Variants in PVT1 observed in about 807,000 individuals in gnomAD.
The protein encoded by PVT1 is CXCR4/PVT1 fusion.
At chr8:127,835,894 C>T (rs1488304884) in intron 2 of PVT1, among the ~76,000 whole-genome samples, 1 of 152,148 alleles carries the variant, frequency 6.6e-6, no homozygotes, top group African/African-American at 2.4e-5. Context: ...TGTCTTCCAG[C>T]CTCATCAAGT....
chr8:127,906,915 G>A (rs1295572630), intron 3 of PVT1, among the ~76,000 whole-genome samples: 1 of 151,816 alleles, frequency 6.6e-6, no homozygotes, highest in African/African-American at 2.4e-5. Context: ...AGCCATTAAG[G>A]ACTCAGCTGG....
intron 3 of PVT1, among the ~76,000 whole-genome samples, chr8:127,977,633 G>T (rs1816836142): frequency 6.6e-6 from 1 of 152,154 alleles, no homozygotes; most frequent in Non-Finnish European, 1.5e-5. Flanking sequence ...TACTCGGGAG[G>T]CTGAGGCTGG....
intron 2 of PVT1, among the ~76,000 whole-genome samples, chr8:127,845,259 AGCTAATG>A (rs1323604568): frequency 6.6e-6 from 1 of 152,072 alleles, no homozygotes. Context: ...GTTTCCTTGG[AGCTAATG>A]GTCAGAGTGA....
intron 6 of PVT1, among the ~76,000 whole-genome samples, chr8:128,098,152 G>A (rs768673156): frequency 2.6e-5 from 4 of 152,034 alleles, no homozygotes; most frequent in Non-Finnish European, 5.9e-5. Context: ...CTTGGGGCTG[G>A]AATTGTAGTG....
At chr8:127,897,217 C>T (rs536346025) in intron 3 of PVT1, among the ~76,000 whole-genome samples, 5 of 152,300 alleles carry the variant, frequency 3.3e-5, no homozygotes, top group African/African-American at 4.8e-5. Flanking sequence ...AGAACTCTCA[C>T]GCTGTGGTGC....
At chr8:127,895,030 G>A (rs987316402) in intron 3 of PVT1, among the ~76,000 whole-genome samples, 4 of 152,206 alleles carry the variant, frequency 2.6e-5, no homozygotes, top group Admixed American at 2.0e-4. Context: ...AGCCCTGCCT[G>A]TTATGTTCAT....
At chr8:127,929,339 C>T (rs1364924231) in intron 3 of PVT1, among the ~76,000 whole-genome samples, 1 of 151,960 alleles carries the variant, frequency 6.6e-6, no homozygotes, top group Non-Finnish European at 1.5e-5. Flanking sequence ...ACTAGTACAC[C>T]GTTTTGCCTC....
chr8:127,899,136 G>A (rs765839448), intron 3 of PVT1, among the ~76,000 whole-genome samples: 2 of 152,346 alleles, frequency 1.3e-5, no homozygotes, highest in Non-Finnish European at 2.9e-5. Flanking sequence ...GGAAAATAAG[G>A]ATACCCATAA....
At chr8:127,856,495 C>T (rs1337383786) in intron 2 of PVT1, among the ~76,000 whole-genome samples, 1 of 152,046 alleles carries the variant, frequency 6.6e-6, no homozygotes, top group Non-Finnish European at 1.5e-5. Context: ...GCACCTGCCA[C>T]CACGCCCAGC....
chr8:127,914,626 T>C (rs933490906), intron 3 of PVT1, among the ~76,000 whole-genome samples: 9 of 152,208 alleles, frequency 5.9e-5, no homozygotes, highest in African/African-American at 2.2e-4. Context: ...CATTGATACA[T>C]GTTACAACAT....
rs990264038 is a variant in PVT1 at position 128,035,490 on chromosome 8, C to T, written n.913-34670C>T. Among the ~76,000 whole-genome samples, 5 of 152,126 alleles carry T rather than the reference C, an allele frequency of 3.3e-5. No individual in the cohort carries two copies. The South Asian group carries it at 8.3e-4, about 25-fold the overall frequency. On this transcript the variant is annotated intron_variant and non_coding_transcript_variant, in intron 4 of 10. Coordinates refer to ENST00000651587, the Ensembl canonical transcript of PVT1. ...TTCCTACCCTTCATCCCTCCTTCTG[C>T]GTTTATTGAGCCTTGCTAGGTGCTG...
At chr8:128,078,629 A>G (rs773142574) in intron 5 of PVT1, among the ~76,000 whole-genome samples, 25 of 152,212 alleles carry the variant, frequency 1.6e-4, no homozygotes, top group Non-Finnish European at 3.1e-4. Context: ...CCCTAACTGT[A>G]GGAATCGTAG....
intron 3 of PVT1, among the ~76,000 whole-genome samples, chr8:127,979,729 C>T (rs1816862143): frequency 6.6e-6 from 1 of 152,186 alleles, no homozygotes; most frequent in Non-Finnish European, 1.5e-5. Flanking sequence ...GACCCCACCA[C>T]CCAAAGGATG....
At chr8:127,897,967 G>T (rs1166032529) in intron 3 of PVT1, among the ~76,000 whole-genome samples, 1 of 147,506 alleles carries the variant, frequency 6.8e-6, no homozygotes, top group Non-Finnish European at 1.5e-5. Flanking sequence ...AGGAAAGAAG[G>T]AAGGAAGGAA....
At chr8:128,048,941 C>T (rs547545097) in intron 4 of PVT1, among the ~76,000 whole-genome samples, 2 of 152,370 alleles carry the variant, frequency 1.3e-5, no homozygotes, top group African/African-American at 4.8e-5. Context: ...TCAGGCACTT[C>T]TTTCGGCTGC....
intron 3 of PVT1, among the ~76,000 whole-genome samples, chr8:127,960,946 G>A (rs1194398019): frequency 9.6e-5 from 13 of 135,966 alleles, no homozygotes; most frequent in Non-Finnish European, 1.6e-4. Context: ...TTGGGGGTGG[G>A]GGGGGCGGGC....
intron 2 of PVT1, among the ~76,000 whole-genome samples, chr8:127,838,406 G>T (rs998129567): frequency 4.0e-5 from 6 of 151,846 alleles, no homozygotes; most frequent in Admixed American, 3.3e-4. Context: ...AACCCTATGG[G>T]GTCAAAAACA....
intron 2 of PVT1, among the ~76,000 whole-genome samples, chr8:127,811,349 G>A (rs1814592938): frequency 6.6e-6 from 1 of 152,206 alleles, no homozygotes; most frequent in Non-Finnish European, 1.5e-5. Context: ...TGGGCCGTAT[G>A]TGGCCCCCGG....
intron 4 of PVT1, among the ~76,000 whole-genome samples, chr8:128,021,528 C>T (rs536320585): frequency 3.3e-5 from 5 of 152,088 alleles, no homozygotes; most frequent in African/African-American, 1.2e-4. Context: ...CTCCTGACTT[C>T]GTGATCCGCC....
Sources: gnomAD v4.1 joint callset for allele counts (sites outside exome capture counted in the v4.1 genomes callset) on GRCh38, gnomAD v4.1.1 for gene constraint, MANE v1.5 for transcripts, NCBI Gene and HGNC (gene_info 2026-07-23, HGNC 2026-07-21) for gene names.